Variants in SV2C observed in about 807,000 individuals in gnomAD.
SV2C encodes synaptic vesicle glycoprotein 2C.
Under a neutral mutation model 79.7 loss-of-function variants are expected in SV2C, and 49 were observed. That is an observed-to-expected ratio of 0.61 (90% CI 0.49 to 0.78). The LOEUF (loss-of-function observed/expected upper bound fraction) is 0.78, where lower values mean the gene tolerates loss of function less well. Among genes scored for constraint, SV2C ranks in the 30% least tolerant of loss-of-function variants. The pLI is 0.00. For missense variants in SV2C, 833 were observed against 912.9 expected (o/e 0.91, Z 1.13); for synonymous variants, 334 against 333.2 (o/e 1.00, Z -0.03).
At chr5:76,111,957 C>T (rs1748110402) in intron 1 of SV2C, among the ~76,000 whole-genome samples, 2 of 152,232 alleles carry the variant, frequency 1.3e-5, no homozygotes, top group Non-Finnish European at 2.9e-5. Flanking sequence ...CATTTCCTTT[C>T]TTAAAAGGTC....
intron 8 of SV2C, among the ~76,000 whole-genome samples, chr5:76,292,210 T>G (rs983790020): frequency 6.6e-6 from 1 of 152,162 alleles, no homozygotes; most frequent in Non-Finnish European, 1.5e-5. Context: ...CTTTGCGGTG[T>G]TCCTCTGCCT....
intron 12 of SV2C, among the ~76,000 whole-genome samples, chr5:76,345,080 T>C (rs1057470339): frequency 6.6e-6 from 1 of 152,242 alleles, no homozygotes; most frequent in African/African-American, 2.4e-5. Flanking sequence ...TTTTGCCTTT[T>C]TAGGCAACTG....
the SV2C span, among the ~76,000 whole-genome samples, chr5:75,875,841 T>C: frequency 6.6e-6 from 1 of 152,146 alleles, no homozygotes; most frequent in African/African-American, 2.4e-5. Context: ...ATATCACTGA[T>C]CATTAGATAA....
intron 2 of SV2C, among the ~76,000 whole-genome samples, chr5:76,140,479 G>C (rs1264748832): frequency 6.6e-6 from 1 of 152,100 alleles, no homozygotes; most frequent in African/African-American, 2.4e-5. Context: ...AGATAGCTGG[G>C]TCTGAAAACA....
intron 3 of SV2C, among the ~76,000 whole-genome samples, chr5:76,205,358 T>G (rs1362700951): frequency 6.6e-6 from 1 of 152,254 alleles, no homozygotes; most frequent in Non-Finnish European, 1.5e-5. Context: ...TCTATTTCAT[T>G]TGTATAAATT....
chr5:75,952,577 G>T, the SV2C span, among the ~76,000 whole-genome samples: 4 of 151,668 alleles, frequency 2.6e-5, no homozygotes, highest in African/African-American at 9.7e-5. Context: ...GTGATGAGTG[G>T]GTTCTCACTC....
the SV2C span, among the ~76,000 whole-genome samples, chr5:75,889,191 C>A: frequency 6.6e-6 from 1 of 152,066 alleles, no homozygotes; most frequent in African/African-American, 2.4e-5. Context: ...CATCTATCAA[C>A]TCGTCAGGTT....
intron 12 of SV2C, among the ~76,000 whole-genome samples, chr5:76,309,741 G>C (rs1439101268): frequency 8.6e-5 from 13 of 151,008 alleles, no homozygotes. Context: ...ATGTTAGGGG[G>C]AAGAAAAGAG....
the SV2C span, among the ~76,000 whole-genome samples, chr5:75,901,969 C>T: frequency 1.8e-4 from 28 of 152,154 alleles, no homozygotes; most frequent in Admixed American, 7.2e-4. Flanking sequence ...GGGAGTGACC[C>T]GATTTTCCAG....
chr5:75,910,098 G>T, the SV2C span, among the ~76,000 whole-genome samples: 1 of 152,258 alleles, frequency 6.6e-6, no homozygotes, highest in East Asian at 1.9e-4. Context: ...CACACAGTAG[G>T]CTCAACAAAC....
the SV2C span, among the ~76,000 whole-genome samples, chr5:75,970,586 A>T: frequency 1.3e-5 from 2 of 152,140 alleles, no homozygotes; most frequent in Non-Finnish European, 2.9e-5. Context: ...GAAATGGATA[A>T]ATTCCTCGAC....
At chr5:76,247,878 A>G (rs1745990884) in intron 4 of SV2C, among the ~76,000 whole-genome samples, 1 of 152,218 alleles carries the variant, frequency 6.6e-6, no homozygotes, top group South Asian at 2.1e-4. Flanking sequence ...TTTCATAAAT[A>G]AATAATAAGG....
chr5:75,927,978 T>A, the SV2C span, among the ~76,000 whole-genome samples: 1 of 152,234 alleles, frequency 6.6e-6, no homozygotes, highest in East Asian at 1.9e-4. Context: ...AGTGTAACTT[T>A]CATCGAGTGT....
intron 1 of SV2C, among the ~76,000 whole-genome samples, chr5:76,111,225 A>C (rs1748087159): frequency 6.6e-6 from 1 of 152,126 alleles, no homozygotes; most frequent in African/African-American, 2.4e-5. Context: ...ATGGAAGCAG[A>C]ATCTATCAGA....
At chr5:76,127,787 T>A (rs34115048) in intron 1 of SV2C, among the ~76,000 whole-genome samples, 12,145 of 152,192 alleles carry the variant, frequency 0.08, 558 homozygotes, top group Middle Eastern at 0.12. Flanking sequence ...ACAGTTGGCA[T>A]GGGGTTATGA....
At chr5:76,337,125 G>A (rs940520523), downstream of SV2C, among the ~76,000 whole-genome samples, 1 of 152,098 alleles carries the variant, frequency 6.6e-6, no homozygotes, top group Non-Finnish European at 1.5e-5. Context: ...CACAGACTGG[G>A]TGGCTTAAGC....
chr5:76,077,736 G>A, the SV2C span, among the ~76,000 whole-genome samples: 1 of 152,212 alleles, frequency 6.6e-6, no homozygotes, highest in African/African-American at 2.4e-5. Context: ...ACTACAATGA[G>A]TTTTGGAGTC....
the SV2C span, among the ~76,000 whole-genome samples, chr5:75,879,225 C>T: frequency 0.014 from 2,162 of 152,270 alleles, 46 homozygotes; most frequent in African/African-American, 0.047. Flanking sequence ...AGGCCCACCC[C>T]AAAATCTCAG....
intron 2 of SV2C, among the ~76,000 whole-genome samples, chr5:76,154,517 T>C (rs1742661957): frequency 6.6e-6 from 1 of 152,168 alleles, no homozygotes; most frequent in Non-Finnish European, 1.5e-5. Flanking sequence ...GTCTCAGAGC[T>C]CATCCTGAGT....
Sources: gnomAD v4.1 joint callset for allele counts (sites outside exome capture counted in the v4.1 genomes callset) on GRCh38, gnomAD v4.1.1 for gene constraint, MANE v1.5 for transcripts, NCBI Gene and HGNC (gene_info 2026-07-23, HGNC 2026-07-21) for gene names.